ROBO2: variants seen among roughly 807,000 people sequenced by gnomAD.
ROBO2 encodes roundabout homolog 2.
A neutral mutation model predicts 160.8 loss-of-function variants in ROBO2; 53 were observed. That is an observed-to-expected ratio of 0.33 (90% CI 0.26 to 0.41). ROBO2 has a LOEUF of 0.41. Among genes scored for constraint, ROBO2 ranks in the 10% least tolerant of loss-of-function variants. The pLI is 1.00. For synonymous variants in ROBO2, 664 were observed against 611.7 expected, an observed-to-expected ratio of 1.09 and a Z score of -1.26; for missense variants, 1,577 against 1,722.4, an observed-to-expected ratio of 0.92 and a Z score of 1.49.
intron 2 of ROBO2, among the ~76,000 whole-genome samples, chr3:76,346,971 T>C (rs1361884095): frequency 1.3e-5 from 2 of 152,178 alleles, no homozygotes; most frequent in African/African-American, 4.8e-5. Context: ...AAGCACAGCT[T>C]GAAGAAGGTT....
intron 2 of ROBO2, among the ~76,000 whole-genome samples, chr3:76,818,539 C>T (rs2065877307): frequency 6.6e-6 from 1 of 151,930 alleles, no homozygotes; most frequent in African/African-American, 2.4e-5. Flanking sequence ...GTTGCATTTG[C>T]TTTTGAATTC....
chr3:76,509,010 T>G (rs58530311), intron 2 of ROBO2, among the ~76,000 whole-genome samples: 88 of 152,362 alleles, frequency 5.8e-4, no homozygotes, highest in African/African-American at 2.0e-3. Context: ...CTATTTCTAT[T>G]GAAGCCCTTA....
Position 76,070,824 on chromosome 3 carries a change from A to G in ROBO2, c.109+133222A>G, listed in dbSNP as rs139516302. On this transcript the variant is annotated intron_variant, in intron 2 of 26. Coordinates refer to the ROBO2 transcript ENST00000487694. ...GGCCGGCACTTAGGGAAAATAGAAA[A>G]GAACCTACGGAATATCAGGGCAGAT... is the stretch of plus-strand genomic sequence containing the variant. Among the ~76,000 whole-genome samples, 170 of 152,280 alleles carry G rather than the reference A, an allele frequency of 1.1e-3. 1 individual carries two copies. The highest frequency in any genetic ancestry group is 3.8e-3 in the African/African-American group (159 of 41,572).
rs1356520692 is a variant in ROBO2, at chr3:76,548,891, G to C, written c.110-549123G>C. 4.6e-5 allele frequency among the ~76,000 whole-genome samples: 7 copies of C among 152,084 alleles called. 1 individual carries two copies. In the South Asian group the frequency reaches 1.5e-3, roughly 32 times the overall value. ...GTTCATAAACACTGCCCCCACTCCA[G>C]CTCCACCATGGATTATAGTGAAGAC... On this transcript the variant is annotated intron_variant, in intron 2 of 26. Coordinates refer to the ROBO2 transcript ENST00000487694.
intron 1 of ROBO2, among the ~76,000 whole-genome samples, chr3:77,061,820 G>GC (rs1264173959): frequency 2.0e-5 from 3 of 152,162 alleles, no homozygotes; most frequent in African/African-American, 7.2e-5. Context: ...TAGGGACAAA[G>GC]CATTTTCTAT....
intron 2 of ROBO2, among the ~76,000 whole-genome samples, chr3:76,418,157 T>TTATAATTA (rs2075830137): frequency 6.6e-6 from 1 of 151,300 alleles, no homozygotes; most frequent in African/African-American, 2.4e-5. Flanking sequence ...GCCTACAAAT[T>TTATAATTA]TATAATTATA....
At chr3:77,176,248 A>G (rs2080140142) in intron 2 of ROBO2, among the ~76,000 whole-genome samples, 1 of 152,052 alleles carries the variant, frequency 6.6e-6, no homozygotes, top group South Asian at 2.1e-4. Flanking sequence ...CAAAATCTCT[A>G]AAGAAAACCT....
chr3:77,296,163 G>T (rs1374743944), intron 2 of ROBO2, among the ~76,000 whole-genome samples: 1 of 151,510 alleles, frequency 6.6e-6, no homozygotes, highest in African/African-American at 2.4e-5. Flanking sequence ...GGCTAAACGA[G>T]TAAGCTGAGG....
chr3:77,617,849 AT>A, intron 22 of ROBO2, 76 bp downstream of exon 23: 1 of 1,488,176 alleles, frequency 6.7e-7, no homozygotes, highest in African/African-American at 1.4e-5. Context: ...TTCACAAGAG[AT>A]TCTGATAGAA....
intron 2 of ROBO2, among the ~76,000 whole-genome samples, chr3:76,171,286 C>T (rs1163057576): frequency 6.6e-6 from 1 of 151,416 alleles, no homozygotes; most frequent in Non-Finnish European, 1.5e-5. Context: ...AAACTCTGGA[C>T]CCCAAATCTC....
chr3:76,325,799 G>A (rs2072967153), intron 2 of ROBO2, among the ~76,000 whole-genome samples: 2 of 151,950 alleles, frequency 1.3e-5, no homozygotes, highest in South Asian at 4.2e-4. Context: ...AAAACACGTG[G>A]AAAGGCATTG....
intron 2 of ROBO2, among the ~76,000 whole-genome samples, chr3:76,174,111 C>T (rs146720315): frequency 9.2e-5 from 14 of 152,248 alleles, no homozygotes; most frequent in African/African-American, 3.4e-4. Context: ...CTCTAATGGC[C>T]AGTGATGATA....
At chr3:77,063,194 T>G (rs991338848) in intron 1 of ROBO2, among the ~76,000 whole-genome samples, 1 of 152,160 alleles carries the variant, frequency 6.6e-6, no homozygotes, top group African/African-American at 2.4e-5. Context: ...TGGGTTGAGT[T>G]CAGAGTAAGG....
intron 2 of ROBO2, among the ~76,000 whole-genome samples, chr3:76,097,290 G>A (rs542896250): frequency 4.2e-4 from 64 of 152,210 alleles, no homozygotes; most frequent in Non-Finnish European, 7.4e-4. Context: ...GCCCCAACCC[G>A]TTCCCAGTGC....
rs369271175 is a variant in ROBO2, at chr3:76,557,024, C to T, written c.110-540990C>T. ...AACATTTAGCTTATTTACAATTACA[C>T]ATATTATTTGCCACCCAGTTTTAGA... On this transcript the variant is annotated intron_variant, in intron 2 of 26. Coordinates refer to the ROBO2 transcript ENST00000487694. 2.0e-5 allele frequency among the ~76,000 whole-genome samples: 3 copies of T among 152,132 alleles called. No homozygotes were observed. The East Asian group carries it at 5.8e-4, about 29-fold the overall frequency.
At chr3:77,361,404 A>G (rs1000766382) in intron 2 of ROBO2, among the ~76,000 whole-genome samples, 7 of 152,128 alleles carry the variant, frequency 4.6e-5, no homozygotes, top group African/African-American at 1.7e-4. Context: ...CTATAAAGAA[A>G]GAAGTATAGG....
exon 22 of ROBO2, chr3:77,617,756 T>C: frequency 1.9e-6 from 3 of 1,613,296 alleles, no homozygotes; most frequent in South Asian, 1.1e-5. Flanking sequence ...ATCAGTTTGA[T>C]ATAGCAAAAC....
At chr3:77,052,526 T>G (rs531392439) in intron 1 of ROBO2, among the ~76,000 whole-genome samples, 3 of 152,352 alleles carry the variant, frequency 2.0e-5, no homozygotes, top group African/African-American at 7.2e-5. Flanking sequence ...CATACTACTT[T>G]GGCTATTTTG....
At chr3:77,565,265 G>T in intron 12 of ROBO2, 145 bp downstream of exon 13, 1 of 995,228 alleles carries the variant, frequency 1.0e-6, no homozygotes. Context: ...GGAGAAGGTA[G>T]CTTGCTGTTT....
Sources: gnomAD v4.1 joint callset for allele counts (sites outside exome capture counted in the v4.1 genomes callset) on GRCh38, gnomAD v4.1.1 for gene constraint, MANE v1.5 for transcripts, NCBI Gene and HGNC (gene_info 2026-07-23, HGNC 2026-07-21) for gene names.